The following EWSR1 variants were observed in gnomAD, a reference collection of about 807,000 sequenced individuals.
The protein encoded by EWSR1 is RNA-binding protein EWS.
Under a neutral mutation model 92.1 loss-of-function variants are expected in EWSR1, and 14 were observed. That is an observed-to-expected ratio of 0.15 (90% CI 0.10 to 0.24). EWSR1 has a LOEUF of 0.24. Among genes scored for constraint, EWSR1 ranks in the 10% least tolerant of loss-of-function variants. The pLI is 1.00. For synonymous variants in EWSR1, 303 were observed against 292.9 expected, an observed-to-expected ratio of 1.03 and a Z score of -0.35; for missense variants, 637 against 870.9, an observed-to-expected ratio of 0.73 and a Z score of 3.38.
chr22:29,282,363 A>G, intron 5 of EWSR1, 27 bp from the exon 6 acceptor site: 1 of 1,508,862 alleles, frequency 6.6e-7, no homozygotes, highest in Non-Finnish European at 8.8e-7. Context: ...GTCACTTTTT[A>G]ATTTTATTTA....
At chr22:29,268,903 C>T (rs560412133) in intron 1 of EWSR1, among the ~76,000 whole-genome samples, 2 of 152,376 alleles carry the variant, frequency 1.3e-5, no homozygotes, top group East Asian at 3.9e-4. Flanking sequence ...GCTGGGGCGT[C>T]TGGCGCTGCC....
intron 1 of EWSR1, among the ~76,000 whole-genome samples, chr22:29,268,923 C>G (rs549001161): frequency 1.5e-4 from 23 of 152,246 alleles, no homozygotes; most frequent in African/African-American, 5.3e-4. Context: ...CGAGCTGCCC[C>G]CTCTGTGGCT....
At chr22:29,280,483 T>G (rs920282744) in intron 5 of EWSR1, among the ~76,000 whole-genome samples, 1 of 152,206 alleles carries the variant, frequency 6.6e-6, no homozygotes, top group East Asian at 1.9e-4. Context: ...GAGTTTTCCT[T>G]GGAACTGAGA....
intron 11 of EWSR1, among the ~76,000 whole-genome samples, chr22:29,294,989 GCACAGATATCACACA>G (rs1302219856): frequency 6.6e-6 from 1 of 151,986 alleles, no homozygotes; most frequent in African/African-American, 2.4e-5. Context: ...GTGTGTGTGT[GCACAGATATCACACA>G]CACCTCAAAA....
At chr22:29,292,918 T>C (rs1033741847) in intron 11 of EWSR1, among the ~76,000 whole-genome samples, 3 of 151,458 alleles carry the variant, frequency 2.0e-5, no homozygotes, top group Non-Finnish European at 4.4e-5. Flanking sequence ...CACCAGCTAA[T>C]TGTGTCTTTT....
intron 8 of EWSR1, 71 bp from the exon 9 acceptor site, chr22:29,291,491 G>GC (rs72549137): frequency 0.019 from 27,356 of 1,475,064 alleles, 308 homozygotes; most frequent in Non-Finnish European, 0.022. Context: ...TTCCCCACGA[G>GC]CCCCCCCAAG....
chr22:29,286,306 C>T (rs1352742241), intron 6 of EWSR1, among the ~76,000 whole-genome samples: 6 of 152,024 alleles, frequency 3.9e-5, no homozygotes, highest in East Asian at 3.9e-4. Flanking sequence ...CATGAGCCTC[C>T]GCTCCCAGCT....
At chr22:29,284,212 C>A in intron 6 of EWSR1, among the ~76,000 whole-genome samples, 1 of 151,296 alleles carries the variant, frequency 6.6e-6, no homozygotes, top group Non-Finnish European at 1.5e-5. Context: ...TCAAGTGATC[C>A]GCCCACCTTG....
In EWSR1 at chr22:29,300,478, GTTT is replaced by G. The variant is rs76631619; in HGVS notation, c.*331_*333del. On this transcript the variant is annotated 3_prime_UTR_variant, in exon 17 of 17. Coordinates refer to ENST00000397938, the MANE Select transcript of EWSR1 (RefSeq NM_005243.4). ...CTGTAACAATGTTCATGGTTGTGAT[GTTT>G]TTTTTTTTTTTTTAAATAAAATTCC... is the stretch of plus-strand genomic sequence containing the variant. 1.0e-4 allele frequency: 19 copies of G among 186,264 alleles called. No homozygotes were observed. Among genetic ancestry groups the G allele is most frequent in the East Asian group, 2.6e-4 (3 of 11,482 alleles). The allele number at this position is 186,264 out of a possible 1,614,324, so 11.5% of individuals were successfully genotyped here.
At chr22:29,283,724 G>C (rs9613857) in intron 6 of EWSR1, among the ~76,000 whole-genome samples, 1 of 150,826 alleles carries the variant, frequency 6.6e-6, no homozygotes, top group South Asian at 2.1e-4. Flanking sequence ...AGTAGAGACA[G>C]GGTTTCACCA....
chr22:29,296,275 T>C lies in EWSR1; in HGVS notation c.1201T>C (p.Tyr401His). The C allele has an allele frequency of 6.2e-7, 1 of 1,614,182 alleles. No individual in the cohort carries two copies. Among genetic ancestry groups the C allele is most frequent in the Non-Finnish European group, 8.5e-7 (1 of 1,180,006 alleles). ...AACTGGGCAACCCATGATCCACATC[T>C]ACCTGGACAAGGAAACAGGAAAGCC... ...KRTGQPMIHIYLDKETGKPKG... is the reference protein window; with the variant it reads ...KRTGQPMIHIHLDKETGKPKG... The change falls in exon 12 of 17, where the codon TAC (tyrosine) becomes CAC (histidine). Residue 401 changes from tyrosine (Y) to histidine (H), a missense_variant. Tyr to His is a moderately conservative substitution (Grantham distance 83, BLOSUM62 2). Coordinates refer to ENST00000397938, the MANE Select transcript of EWSR1 (RefSeq NM_005243.4).
At chr22:29,299,983 ACC>A in intron 16 of EWSR1, 132 bp downstream of exon 16, 1 of 1,425,770 alleles carries the variant, frequency 7.0e-7, no homozygotes, top group Admixed American at 2.2e-5. Flanking sequence ...AGGAAGGGGC[ACC>A]TGGGGGCTCT....
At chr22:29,296,055 A>C (rs1173066144) in intron 11 of EWSR1, 184 bp from the exon 12 acceptor site, 5 of 620,540 alleles carry the variant, frequency 8.1e-6, no homozygotes, top group Non-Finnish European at 1.1e-5. Context: ...TTTGGTTTTT[A>C]TGATAAAGCA....
rs764337115 is a variant in EWSR1 at position 29,292,629 on chromosome 22, C to T, written c.1164+23C>T. The stretch of plus-strand genomic sequence containing the variant: ...AAGGTCAGTAAAAGCATAACCAGGT[C>T]ATCTGGCAGAACTTTAAACCACAGA... On this transcript the variant is annotated intron_variant, in intron 11 of 16. Coordinates refer to ENST00000397938, the MANE Select transcript of EWSR1 (RefSeq NM_005243.4). 7 of 1,468,664 alleles carry T rather than the reference C, an allele frequency of 4.8e-6. No homozygotes were observed. In the East Asian group the frequency reaches 1.1e-4, roughly 24 times the overall value. 91.0% of individuals were successfully genotyped at this position (1,468,664 alleles called of 1,614,324 possible).
intron 1 of EWSR1, among the ~76,000 whole-genome samples, chr22:29,271,854 A>G (rs1215104256): frequency 6.6e-6 from 1 of 152,220 alleles, no homozygotes; most frequent in African/African-American, 2.4e-5. Flanking sequence ...ATGAGGGTAG[A>G]AACTTCTGAT....
Position 29,297,963 on chromosome 22 carries a change from G to T in EWSR1, c.1417+14G>T, listed in dbSNP as rs1471248721. The stretch of plus-strand genomic sequence containing the variant: ...CACTCCGTGGAGGTACTTTTTCTGA[G>T]CTCCTATGTTGCATTAAAAGGTTTT... On this transcript the variant is annotated intron_variant, in intron 13 of 16. Transcript: ENST00000397938. 6.2e-7 allele frequency: 1 copy of T among 1,608,438 alleles called. No individual in the cohort carries two copies. The highest frequency in any genetic ancestry group is 1.3e-5 in the African/African-American group (1 of 74,446).
At chr22:29,269,063 C>T (rs577715796) in intron 1 of EWSR1, among the ~76,000 whole-genome samples, 3 of 152,182 alleles carry the variant, frequency 2.0e-5, no homozygotes, top group Non-Finnish European at 4.4e-5. Context: ...TCCTCCCCTC[C>T]CCCAAAACCA....
At position 29,299,774 on chromosome 22, in the gene EWSR1, T is replaced by G. The variant is rs373731597; in HGVS notation, c.1854T>G (p.Pro618=). The G allele has an allele frequency of 1.1e-5, 18 of 1,602,966 alleles. No homozygotes were observed. Among genetic ancestry groups the G allele is most frequent in the Non-Finnish European group, 1.5e-5 (18 of 1,173,230 alleles). Residue 618 remains proline, a synonymous_variant, in exon 16 of 17, where the codon CCT becomes CCG. Coordinates refer to ENST00000397938, the MANE Select transcript of EWSR1 (RefSeq NM_005243.4). Reference sequence around the variant, plus strand: ...TTGGTGGAGGAAGACGAGGTGGCCCTGGGGGGCCCCCTGGACCTTTGATGG... The same window carrying G: ...TTGGTGGAGGAAGACGAGGTGGCCCGGGGGGGCCCCCTGGACCTTTGATGG... ...GGFGGGRRGG[P]GGPPGPLMEQ... is the part of the protein sequence containing the mutation.
At chr22:29,268,668 C>T (rs1428099793) in intron 1 of EWSR1, among the ~76,000 whole-genome samples, 1 of 152,206 alleles carries the variant, frequency 6.6e-6, no homozygotes, top group Non-Finnish European at 1.5e-5. Flanking sequence ...GCGGGGCCTG[C>T]GGCCTTCGAG....
Sources: gnomAD v4.1 joint callset for allele counts (sites outside exome capture counted in the v4.1 genomes callset) on GRCh38, gnomAD v4.1.1 for gene constraint, MANE v1.5 for transcripts, NCBI Gene and HGNC (gene_info 2026-07-23, HGNC 2026-07-21) for gene names.